The following PPM1E variants were observed in gnomAD, a reference collection of about 807,000 sequenced individuals.
PPM1E encodes protein phosphatase 1E.
In PPM1E, 20 loss-of-function variants were observed where a neutral mutation model predicts 65.9. The observed-to-expected ratio is 0.30, with a 90% CI of 0.21 to 0.44. PPM1E has a LOEUF of 0.44. Among genes scored for constraint, PPM1E ranks in the 20% least tolerant of loss-of-function variants. PPM1E has a pLI of 1.00. For synonymous variants in PPM1E, 352 were observed against 374.9 expected, an observed-to-expected ratio of 0.94 and a Z score of 0.70; for missense variants, 713 against 953.1, an observed-to-expected ratio of 0.75 and a Z score of 3.32.
intron 1 of PPM1E, among the ~76,000 whole-genome samples, chr17:58,760,212 C>G (rs2049808684): frequency 6.6e-6 from 1 of 152,148 alleles, no homozygotes; most frequent in South Asian, 2.1e-4. Flanking sequence ...ATCAATCTGT[C>G]ACATGACTTC....
At chr17:58,775,748 A>G (rs936595931) in intron 1 of PPM1E, among the ~76,000 whole-genome samples, 1 of 150,238 alleles carries the variant, frequency 6.7e-6, no homozygotes, top group African/African-American at 2.4e-5. Context: ...CCCCGTCTCT[A>G]CTAAAAATAC....
intron 1 of PPM1E, among the ~76,000 whole-genome samples, chr17:58,915,525 T>C (rs1405646989): frequency 1.3e-5 from 2 of 152,176 alleles, no homozygotes; most frequent in African/African-American, 2.4e-5. Context: ...TGCAGCCCAG[T>C]AGGTCTCAGC....
At chr17:58,818,232 A>C (rs1336239566) in intron 1 of PPM1E, among the ~76,000 whole-genome samples, 2 of 152,184 alleles carry the variant, frequency 1.3e-5, no homozygotes, top group African/African-American at 4.8e-5. Flanking sequence ...AGCAATGCAT[A>C]CTGGGTGGGA....
chr17:58,973,148 T>C (rs923100567), intron 6 of PPM1E, among the ~76,000 whole-genome samples: 1 of 152,234 alleles, frequency 6.6e-6, no homozygotes, highest in Non-Finnish European at 1.5e-5. Context: ...CCAGGCTCAG[T>C]GGCTCATGCC....
chr17:58,865,374 G>C (rs1209936610), intron 1 of PPM1E, among the ~76,000 whole-genome samples: 2 of 150,320 alleles, frequency 1.3e-5, no homozygotes, highest in African/African-American at 2.5e-5. Context: ...GACAGAGTGA[G>C]ACTCTGTCTC....
chr17:58,972,269 C>G lies in PPM1E; in HGVS notation c.1110C>G (p.Asp370Glu). 1.2e-6 allele frequency: 2 copies of G among 1,613,750 alleles called. No individual in the cohort carries two copies. The highest frequency in any genetic ancestry group is 1.7e-6 in the Non-Finnish European group (2 of 1,179,874). The change falls in exon 5 of 7, where the codon GAC (aspartate) becomes GAG (glutamate). Residue 370 changes from aspartate (D) to glutamate (E), a missense_variant. Around this residue, in one of 6 missense-constraint regions of PPM1E, gnomAD observed 88 missense variants for 231.1 expected, o/e 0.38. Transcript: ENST00000308249. ...AVELMKPHKP[D>E]REDEKQRIEA... The stretch of plus-strand genomic sequence containing the variant: ...AACTAATGAAGCCACACAAACCAGA[C>G]AGAGAGGTAAGTATGGTCTGTTTTA...
chr17:58,771,250 T>C (rs781734394), intron 1 of PPM1E, among the ~76,000 whole-genome samples: 1 of 152,010 alleles, frequency 6.6e-6, no homozygotes, highest in Non-Finnish European at 1.5e-5. Context: ...GAAAAAATTA[T>C]AGGTTCCATG....
At chr17:58,840,055 G>A (rs978747594) in intron 1 of PPM1E, among the ~76,000 whole-genome samples, 3 of 152,156 alleles carry the variant, frequency 2.0e-5, no homozygotes, top group African/African-American at 4.8e-5. Flanking sequence ...ACAATAAAAG[G>A]ATACATATTA....
chr17:58,787,456 C>T (rs2050111307), intron 1 of PPM1E, among the ~76,000 whole-genome samples: 2 of 151,666 alleles, frequency 1.3e-5, no homozygotes, highest in African/African-American at 4.8e-5. Flanking sequence ...AAATGGAAAT[C>T]TAAAAATGGA....
chr17:58,931,301 G>T (rs371489531), intron 1 of PPM1E, among the ~76,000 whole-genome samples: 1 of 151,776 alleles, frequency 6.6e-6, no homozygotes, highest in South Asian at 2.1e-4. Flanking sequence ...CAGGAGAATC[G>T]CTTGAACCCG....
chr17:58,805,986 A>AAAAAAAAAAAC (rs2050308749), intron 1 of PPM1E, among the ~76,000 whole-genome samples: 2 of 105,726 alleles, frequency 1.9e-5, no homozygotes, highest in Non-Finnish European at 3.7e-5. Context: ...AAAAAAAAAC[A>AAAAAAAAAAAC]AAACAAAACA....
chr17:58,824,892 G>T (rs962175795), intron 1 of PPM1E, among the ~76,000 whole-genome samples: 2 of 151,854 alleles, frequency 1.3e-5, no homozygotes, highest in Non-Finnish European at 1.5e-5. Flanking sequence ...ACAGGTGTGA[G>T]CCACTGCGCC....
intron 1 of PPM1E, among the ~76,000 whole-genome samples, chr17:58,921,170 G>A (rs1479422837): frequency 6.6e-6 from 1 of 152,130 alleles, no homozygotes; most frequent in Non-Finnish European, 1.5e-5. Flanking sequence ...AAGAGACAAT[G>A]GGAATAAAGA....
intron 6 of PPM1E, among the ~76,000 whole-genome samples, chr17:58,975,447 G>A (rs1258584189): frequency 6.6e-6 from 1 of 152,016 alleles, no homozygotes; most frequent in African/African-American, 2.4e-5. Context: ...GACCAACCTG[G>A]GCAACATAGT....
intron 4 of PPM1E, among the ~76,000 whole-genome samples, chr17:58,971,449 C>G (rs2030616120): frequency 6.6e-6 from 1 of 152,096 alleles, no homozygotes; most frequent in Non-Finnish European, 1.5e-5. Flanking sequence ...TATAGTAGGA[C>G]CAAGAGCTTT....
intron 1 of PPM1E, among the ~76,000 whole-genome samples, chr17:58,774,163 C>G (rs2049969403): frequency 6.6e-6 from 1 of 150,890 alleles, no homozygotes; most frequent in Non-Finnish European, 1.5e-5. Flanking sequence ...ACTCTGTCCC[C>G]CCCCCCCAAA....
chr17:58,846,732 C>T (rs1180456680), intron 1 of PPM1E, among the ~76,000 whole-genome samples: 4 of 152,114 alleles, frequency 2.6e-5, no homozygotes, highest in East Asian at 1.9e-4. Flanking sequence ...AATAAACATA[C>T]GTGTGCATGT....
intron 1 of PPM1E, among the ~76,000 whole-genome samples, chr17:58,865,978 G>A (rs1230481660): frequency 6.6e-6 from 1 of 152,148 alleles, no homozygotes; most frequent in Non-Finnish European, 1.5e-5. Flanking sequence ...TTTAAACAGA[G>A]GTAAGATTTC....
chr17:58,874,036 A>G (rs1488729749), intron 1 of PPM1E, among the ~76,000 whole-genome samples: 4 of 152,146 alleles, frequency 2.6e-5, no homozygotes, highest in Non-Finnish European at 5.9e-5. Context: ...CGTTGGGCAG[A>G]CTCAAAAACG....
Sources: gnomAD v4.1 joint callset for allele counts (sites outside exome capture counted in the v4.1 genomes callset) on GRCh38, gnomAD v4.1.1 for gene constraint, gnomAD v4.1.1 regional missense constraint, MANE v1.5 for transcripts, NCBI Gene and HGNC (gene_info 2026-07-23, HGNC 2026-07-21) for gene names.